SLC25A21: variants seen among roughly 807,000 people sequenced by gnomAD.
SLC25A21 encodes solute carrier family 25 member 21.
A neutral mutation model predicts 43.8 loss-of-function variants in SLC25A21; 47 were observed. That is an observed-to-expected ratio of 1.07 (90% CI 0.85 to 1.37). SLC25A21 has a LOEUF of 1.37. Among genes scored for constraint, SLC25A21 ranks in the 40% most tolerant of loss-of-function variants. SLC25A21 has a pLI of 0.00. For synonymous variants in SLC25A21, 131 were observed against 121.3 expected, an observed-to-expected ratio of 1.08 and a Z score of -0.52; for missense variants, 352 against 350.2, an observed-to-expected ratio of 1.00 and a Z score of -0.04.
intron 1 of SLC25A21, among the ~76,000 whole-genome samples, chr14:37,059,909 C>G (rs1474559489): frequency 1.3e-5 from 2 of 152,104 alleles, no homozygotes; most frequent in Admixed American, 1.3e-4. Context: ...AGTAGTGGCA[C>G]AAACAAAAGT....
intron 1 of SLC25A21, among the ~76,000 whole-genome samples, chr14:37,128,351 G>C (rs1242752890): frequency 6.6e-6 from 1 of 152,238 alleles, no homozygotes; most frequent in African/African-American, 2.4e-5. Context: ...TCTGTTGTTT[G>C]AAGCCAGAAA....
chr14:36,931,684 C>A (rs1481459507), intron 1 of SLC25A21, among the ~76,000 whole-genome samples: 1 of 152,024 alleles, frequency 6.6e-6, no homozygotes, highest in African/African-American at 2.4e-5. Flanking sequence ...AGACAGAAAG[C>A]AGAGAAGAGC....
chr14:36,696,430 G>C (rs982690996), intron 7 of SLC25A21, among the ~76,000 whole-genome samples: 3 of 152,176 alleles, frequency 2.0e-5, no homozygotes, highest in Admixed American at 1.3e-4. Context: ...CATAAAATGC[G>C]TTAGGGAGGA....
intron 9 of SLC25A21, among the ~76,000 whole-genome samples, 186 bp from the exon 10 acceptor site, chr14:36,680,905 C>T (rs1326409758): frequency 6.6e-6 from 1 of 152,172 alleles, no homozygotes; most frequent in African/African-American, 2.4e-5. Flanking sequence ...AAAATCAAGA[C>T]CATCTTGAGT....
intron 6 of SLC25A21, among the ~76,000 whole-genome samples, chr14:36,724,569 G>A (rs1884513441): frequency 6.6e-6 from 1 of 152,216 alleles, no homozygotes; most frequent in Admixed American, 6.5e-5. Flanking sequence ...CAATCCCCTT[G>A]TTTTCCTCCT....
chr14:36,795,161 G>C (rs1341265468), intron 3 of SLC25A21, among the ~76,000 whole-genome samples: 1 of 152,116 alleles, frequency 6.6e-6, no homozygotes, highest in Non-Finnish European at 1.5e-5. Flanking sequence ...AGGCTTTAGA[G>C]AACATTTCTC....
In SLC25A21 at chr14:36,678,629, G is replaced by T; in HGVS notation, c.*2029C>A. 7.7e-7 allele frequency: 1 copy of T among 1,291,168 alleles called. No homozygotes were observed. The highest frequency in any genetic ancestry group is 9.8e-7 in the Non-Finnish European group (1 of 1,018,386). The allele number at this position is 1,291,168 out of a possible 1,614,324, so 80.0% of individuals were successfully genotyped here. On this transcript the variant is annotated 3_prime_UTR_variant, in exon 10 of 10. Coordinates refer to ENST00000331299, the MANE Select transcript of SLC25A21 (RefSeq NM_030631.4). ...GGTACAGAACTATTCTTTATCAAAT[G>T]TTTTTAGGTGGCTGTTAGGGGGCTT...
At chr14:36,700,831 C>T (rs767745790) in intron 7 of SLC25A21, among the ~76,000 whole-genome samples, 1 of 152,176 alleles carries the variant, frequency 6.6e-6, no homozygotes, top group Non-Finnish European at 1.5e-5. Context: ...CAGATACACA[C>T]ACTGGTTAAG....
chr14:36,922,571 A>G (rs917142092), intron 1 of SLC25A21, among the ~76,000 whole-genome samples: 3 of 151,654 alleles, frequency 2.0e-5, no homozygotes, highest in African/African-American at 7.3e-5. Context: ...TTGGCTGCAC[A>G]CTTGTGGAAT....
At position 37,172,531 on chromosome 14, in the gene SLC25A21, T is replaced by C; in HGVS notation, c.-181A>G. ...TTCGAGGCGCAGATTCGTCGCGCGA[T>C]CTCCGGCGCGTCGGAACCTGTTCGC... On this transcript the variant is annotated 5_prime_UTR_variant, in exon 1 of 10. Transcript: ENST00000331299. The C allele has an allele frequency of 2.7e-6, 2 of 742,604 alleles. No homozygotes were observed. Among genetic ancestry groups the C allele is most frequent in the Middle Eastern group, 4.5e-4 (2 of 4,462 alleles). 46.0% of individuals were successfully genotyped at this position (742,604 alleles called of 1,614,324 possible).
chr14:37,047,511 C>A (rs916349037), intron 1 of SLC25A21, among the ~76,000 whole-genome samples: 2 of 152,138 alleles, frequency 1.3e-5, no homozygotes, highest in Non-Finnish European at 2.9e-5. Context: ...AGGTTCTGCC[C>A]CTGCTCCCCA....
At chr14:36,770,535 A>G (rs755469060) in intron 3 of SLC25A21, among the ~76,000 whole-genome samples, 3 of 152,214 alleles carry the variant, frequency 2.0e-5, no homozygotes, top group Non-Finnish European at 4.4e-5. Context: ...AGTTGAAATT[A>G]TAAAAGAAAA....
At chr14:37,002,963 T>C (rs934632569) in intron 1 of SLC25A21, among the ~76,000 whole-genome samples, 1 of 152,176 alleles carries the variant, frequency 6.6e-6, no homozygotes, top group African/African-American at 2.4e-5. Flanking sequence ...ATTCCTCTTC[T>C]TAGGGTATAC....
intron 1 of SLC25A21, among the ~76,000 whole-genome samples, chr14:37,166,825 T>C (rs1321566816): frequency 6.6e-6 from 1 of 152,188 alleles, no homozygotes; most frequent in African/African-American, 2.4e-5. Flanking sequence ...TTGAAGCCAT[T>C]AGGCAAACAA....
At chr14:36,979,547 G>A (rs1200600186) in intron 1 of SLC25A21, among the ~76,000 whole-genome samples, 1 of 151,946 alleles carries the variant, frequency 6.6e-6, no homozygotes, top group Non-Finnish European at 1.5e-5. Context: ...GTAGAGACAG[G>A]GTTTTGCCAT....
chr14:37,074,540 T>A (rs969590786), intron 1 of SLC25A21, among the ~76,000 whole-genome samples: 8 of 152,110 alleles, frequency 5.3e-5, no homozygotes, highest in African/African-American at 1.9e-4. Context: ...CCTACAAGAA[T>A]TCAAAAGGCA....
intron 1 of SLC25A21, among the ~76,000 whole-genome samples, chr14:36,989,421 T>C (rs924543301): frequency 6.6e-6 from 1 of 151,894 alleles, no homozygotes; most frequent in Non-Finnish European, 1.5e-5. Context: ...GGGAGGGGGG[T>C]GGCAGATGTT....
chr14:36,811,011 C>G (rs1473784986), intron 3 of SLC25A21, among the ~76,000 whole-genome samples: 1 of 78,644 alleles, frequency 1.3e-5, no homozygotes, highest in African/African-American at 4.0e-5. Context: ...GGGATAGTTT[C>G]TAGGGGAGGT....
At chr14:36,884,850 C>T (rs1263274857) in intron 1 of SLC25A21, among the ~76,000 whole-genome samples, 1 of 151,952 alleles carries the variant, frequency 6.6e-6, no homozygotes, top group Non-Finnish European at 1.5e-5. Flanking sequence ...TATTTGAGTT[C>T]CTTATATATT....
Sources: allele counts gnomAD v4.1 joint callset (sites outside exome capture counted in the v4.1 genomes callset), GRCh38; gene constraint gnomAD v4.1.1; transcripts MANE v1.5; gene names NCBI Gene and HGNC (gene_info 2026-07-23, HGNC 2026-07-21).